The following SPMIP3 variants were observed in gnomAD, a reference collection of about 807,000 sequenced individuals.
SPMIP3 encodes sperm microtubule inner protein 3.
the SPMIP3 span, among the ~76,000 whole-genome samples, chr1:244,377,264 G>A: frequency 6.6e-6 from 1 of 152,062 alleles, no homozygotes; most frequent in African/African-American, 2.4e-5. Flanking sequence ...TGGGACTACA[G>A]GCACCCGCCA....
the SPMIP3 span, among the ~76,000 whole-genome samples, chr1:244,371,519 A>G: frequency 6.6e-6 from 1 of 152,208 alleles, no homozygotes; most frequent in Non-Finnish European, 1.5e-5. Context: ...AAAACCTGCC[A>G]AGAGACACTG....
the SPMIP3 span, among the ~76,000 whole-genome samples, chr1:244,380,014 C>G: frequency 0.016 from 2,420 of 151,648 alleles, 27 homozygotes; most frequent in South Asian, 0.03. Context: ...CGTATAGGAC[C>G]TTGGGGGAGG....
chr1:244,379,158 G>A, the SPMIP3 span, among the ~76,000 whole-genome samples: 6 of 151,514 alleles, frequency 4.0e-5, no homozygotes, highest in Non-Finnish European at 4.4e-5. Flanking sequence ...TCGAACTCCT[G>A]ACCTCATGAT....
At chr1:244,354,388 G>C in the SPMIP3 span, among the ~76,000 whole-genome samples, 1 of 129,688 alleles carries the variant, frequency 7.7e-6, no homozygotes, top group Non-Finnish European at 1.6e-5. Flanking sequence ...TTGGAGTCTC[G>C]CTCTGTCACC....
the SPMIP3 span, among the ~76,000 whole-genome samples, chr1:244,386,481 C>T: frequency 6.6e-6 from 1 of 152,228 alleles, no homozygotes; most frequent in South Asian, 2.1e-4. Context: ...ACAACATTGA[C>T]TGTTGAGTTC....
the SPMIP3 span, among the ~76,000 whole-genome samples, chr1:244,373,738 ACC>A: frequency 1.3e-5 from 2 of 151,908 alleles, no homozygotes; most frequent in Admixed American, 6.6e-5. Context: ...CATAGCAAAA[ACC>A]GCAATTACTT....
chr1:244,364,834 C>T, the SPMIP3 span: 20 of 1,409,502 alleles, frequency 1.4e-5, no homozygotes, highest in Admixed American at 1.7e-4. Flanking sequence ...ATTGCACATC[C>T]TGCTGCTCAG....
chr1:244,356,648 T>C, the SPMIP3 span, among the ~76,000 whole-genome samples: 2 of 152,210 alleles, frequency 1.3e-5, no homozygotes, highest in Non-Finnish European at 2.9e-5. Context: ...TGAATCCTCC[T>C]AGGAGCCATG....
At chr1:244,360,552 ACACACATGCATG>A in the SPMIP3 span, among the ~76,000 whole-genome samples, 4,822 of 46,562 alleles carry the variant, frequency 0.1, 230 homozygotes, top group South Asian at 0.24. Context: ...ACACACACAC[ACACACATGCATG>A]CATGGAATAT....
chr1:244,380,722 T>C, the SPMIP3 span, among the ~76,000 whole-genome samples: 5 of 151,950 alleles, frequency 3.3e-5, no homozygotes, highest in Admixed American at 2.6e-4. Flanking sequence ...CTTTAAAGAG[T>C]GTCTCTTTCC....
At chr1:244,359,458 C>T in the SPMIP3 span, among the ~76,000 whole-genome samples, 18 of 152,264 alleles carry the variant, frequency 1.2e-4, no homozygotes, top group East Asian at 3.5e-3. Context: ...GGAGCAGTGG[C>T]TCATGCTTGT....
At chr1:244,389,580 G>A in the SPMIP3 span, 3 of 152,194 alleles carry the variant, frequency 2.0e-5, no homozygotes, top group Admixed American at 2.0e-4. Flanking sequence ...CAAGAAGAAA[G>A]CCTGACAACT....
chr1:244,357,707 C>CAAAAAAAAAAAAAAAAAAAA, the SPMIP3 span, among the ~76,000 whole-genome samples: 1 of 95,116 alleles, frequency 1.1e-5, no homozygotes. Flanking sequence ...GACTCCATCT[C>CAAAAAAAAAAAAAAAAAAAA]AAAAAAAAAA....
the SPMIP3 span, among the ~76,000 whole-genome samples, chr1:244,385,358 A>G: frequency 6.6e-6 from 1 of 152,264 alleles, no homozygotes; most frequent in Non-Finnish European, 1.5e-5. Context: ...CTCAGCACAT[A>G]TAATTTCATT....
the SPMIP3 span, chr1:244,364,731 G>T: frequency 6.2e-7 from 1 of 1,613,928 alleles, no homozygotes; most frequent in South Asian, 1.1e-5. Context: ...AGAATTTATT[G>T]AGCGTCGCCC....
chr1:244,360,557 C>T, the SPMIP3 span, among the ~76,000 whole-genome samples: 581 of 56,068 alleles, frequency 0.01, 13 homozygotes, highest in African/African-American at 0.049. Context: ...CACACACACA[C>T]ATGCATGCAT....
At chr1:244,356,027 G>C in the SPMIP3 span, among the ~76,000 whole-genome samples, 1 of 152,162 alleles carries the variant, frequency 6.6e-6, no homozygotes, top group African/African-American at 2.4e-5. Context: ...AAGCATAGCT[G>C]TTGGTTTTAG....
At chr1:244,364,641 A>G in the SPMIP3 span, 1 of 1,476,712 alleles carries the variant, frequency 6.8e-7, no homozygotes, top group East Asian at 2.3e-5. Context: ...CCATGGAATT[A>G]TGTATAAACT....
the SPMIP3 span, among the ~76,000 whole-genome samples, chr1:244,373,594 A>G: frequency 7.9e-5 from 12 of 151,514 alleles, no homozygotes; most frequent in African/African-American, 2.9e-4. Flanking sequence ...CCCCTTTTTA[A>G]TAATAGATAT....
Sources: gnomAD v4.1 joint callset for allele counts (sites outside exome capture counted in the v4.1 genomes callset) on GRCh38, gnomAD v4.1.1 for gene constraint, MANE v1.5 for transcripts, NCBI Gene and HGNC (gene_info 2026-07-23, HGNC 2026-07-21) for gene names.